Variants in CPEB1 observed in about 807,000 individuals in gnomAD.
CPEB1 encodes the protein cytoplasmic polyadenylation element binding protein 1, also known as cytoplasmic polyadenylation element-binding protein 1.
Under a neutral mutation model 65.8 loss-of-function variants are expected in CPEB1, and 7 were observed. The ratio of observed to expected loss-of-function variants is 0.11; its 90% CI spans 0.06 to 0.20. The LOEUF is 0.20. Ranked by LOEUF, CPEB1 falls within the 10% of genes least tolerant of loss-of-function variation. CPEB1 has a pLI of 1.00. For missense variants in CPEB1, 551 were observed against 712.2 expected (o/e 0.77, Z 2.58); for synonymous variants, 262 against 260.0 (o/e 1.01, Z -0.08).
rs187328180 is a variant in CPEB1 at position 82,606,884 on chromosome 15, G to A, written c.271+20309C>T. 1.3e-4 allele frequency among the ~76,000 whole-genome samples: 19 copies of A among 151,752 alleles called. No homozygotes were observed. In the East Asian group the frequency reaches 3.7e-3, roughly 29 times the overall value. On this transcript the variant is annotated intron_variant, in intron 3 of 12. Coordinates refer to ENST00000684509, the MANE Select transcript of CPEB1 (RefSeq NM_001365242.1). Reference sequence around the variant, plus strand: ...ATAGTAGCTCATGCCTGCAATCCCAGCACTTTGGGAAGCCAAGGTGGGAAG... The same window carrying A: ...ATAGTAGCTCATGCCTGCAATCCCAACACTTTGGGAAGCCAAGGTGGGAAG...
chr15:82,549,751 G>T, intron 9 of CPEB1, 93 bp from the exon 10 acceptor site: 1 of 1,257,444 alleles, frequency 8.0e-7, no homozygotes, highest in Non-Finnish European at 1.1e-6. Context: ...AGATACTGAA[G>T]CTAAGCTAAC....
At chr15:82,566,291 T>C (rs2039109597) in intron 4 of CPEB1, among the ~76,000 whole-genome samples, 2 of 152,120 alleles carry the variant, frequency 1.3e-5, no homozygotes, top group African/African-American at 2.4e-5. Context: ...AATAGTCTAA[T>C]GGGGGAAAAA....
intron 3 of CPEB1, among the ~76,000 whole-genome samples, chr15:82,606,727 A>C (rs1449194060): frequency 2.5e-5 from 2 of 81,582 alleles, no homozygotes; most frequent in Non-Finnish European, 4.8e-5. Flanking sequence ...CTGAGGCAGG[A>C]GAATGGCGTG....
chr15:82,630,644 T>C (rs2046162857), intron 1 of CPEB1, among the ~76,000 whole-genome samples: 1 of 151,776 alleles, frequency 6.6e-6, no homozygotes, highest in Admixed American at 6.6e-5. Context: ...GACCCGATCC[T>C]GTAAACATCC....
chr15:82,646,828 T>G (rs979279433), intron 1 of CPEB1, among the ~76,000 whole-genome samples: 1 of 152,048 alleles, frequency 6.6e-6, no homozygotes, highest in African/African-American at 2.4e-5. Flanking sequence ...AGGACCCCTT[T>G]GTGGGTGAGT....
At chr15:82,635,027 A>C (rs932506608) in intron 1 of CPEB1, among the ~76,000 whole-genome samples, 1 of 151,892 alleles carries the variant, frequency 6.6e-6, no homozygotes, top group African/African-American at 2.4e-5. Flanking sequence ...CTAATTTTTT[A>C]TATTTTTAGT....
chr15:82,644,231 G>A (rs1413270236), intron 1 of CPEB1, among the ~76,000 whole-genome samples: 1 of 152,150 alleles, frequency 6.6e-6, no homozygotes, highest in African/African-American at 2.4e-5. Context: ...TGCCAATGCA[G>A]TTAAGGTTCA....
At chr15:82,628,745 TCCTCGG>T (rs2045984981) in intron 1 of CPEB1, 189 bp from the exon 2 acceptor site, 1 of 347,594 alleles carries the variant, frequency 2.9e-6, no homozygotes, top group South Asian at 5.7e-5. Flanking sequence ...TCCTTCCTCT[TCCTCGG>T]CCTGCTCAAT....
At chr15:82,624,337 T>C (rs951003125) in intron 3 of CPEB1, among the ~76,000 whole-genome samples, 2 of 152,160 alleles carry the variant, frequency 1.3e-5, no homozygotes, top group African/African-American at 4.8e-5. Context: ...TGAGTTCCCT[T>C]AAATCTGCAG....
At chr15:82,586,571 C>T (rs1448628464) in intron 3 of CPEB1, among the ~76,000 whole-genome samples, 1 of 152,186 alleles carries the variant, frequency 6.6e-6, no homozygotes, top group Non-Finnish European at 1.5e-5. Flanking sequence ...ACCTAAGCTA[C>T]ATTTTTGTCC....
intron 3 of CPEB1, among the ~76,000 whole-genome samples, chr15:82,589,800 C>A (rs111971141): frequency 0.013 from 1,969 of 152,056 alleles, 36 homozygotes; most frequent in African/African-American, 0.044. Context: ...AACCGCAGAT[C>A]AAAAGTATTT....
intron 3 of CPEB1, among the ~76,000 whole-genome samples, chr15:82,616,340 A>C (rs1185621228): frequency 6.6e-6 from 1 of 152,142 alleles, no homozygotes; most frequent in East Asian, 1.9e-4. Context: ...AGAGAAGTAT[A>C]AAAACACGGA....
rs573205522 is a variant in CPEB1 at position 82,592,574 on chromosome 15, T to A, written c.272-21042A>T. On this transcript the variant is annotated intron_variant, in intron 3 of 12. Transcript: ENST00000684509. ...GCCTGGATGACAGAGCCAGATATTGTCTCAAAAAAAAAAAAAAAAAGTTAA... is the reference window on the plus strand; with the variant it reads ...GCCTGGATGACAGAGCCAGATATTGACTCAAAAAAAAAAAAAAAAAGTTAA... 1.1e-3 allele frequency among the ~76,000 whole-genome samples: 155 copies of A among 140,898 alleles called. 1 individual carries two copies. In the South Asian group the frequency reaches 0.031, roughly 28 times the overall value. 92.4% of individuals were successfully genotyped at this position (140,898 alleles called of 152,430 possible).
chr15:82,605,882 T>C (rs1184502871), intron 3 of CPEB1, among the ~76,000 whole-genome samples: 1 of 151,404 alleles, frequency 6.6e-6, no homozygotes, highest in African/African-American at 2.4e-5. Context: ...CTACTAAAAA[T>C]ACAAAATTAG....
At chr15:82,597,003 G>A (rs1484875434) in intron 3 of CPEB1, among the ~76,000 whole-genome samples, 1 of 152,090 alleles carries the variant, frequency 6.6e-6, no homozygotes, top group African/African-American at 2.4e-5. Context: ...TATCCTTGGT[G>A]TGCCAAAATC....
At chr15:82,583,579 G>A (rs1423395445) in intron 3 of CPEB1, 8 of 152,176 alleles carry the variant, frequency 5.3e-5, no homozygotes, top group Admixed American at 5.2e-4. Context: ...AGCTTCAAAA[G>A]ATTTATTCTT....
intron 4 of CPEB1, among the ~76,000 whole-genome samples, chr15:82,569,107 T>C (rs757560333): frequency 2.6e-5 from 4 of 152,220 alleles, no homozygotes; most frequent in Non-Finnish European, 5.9e-5. Context: ...GCTAGCTGGT[T>C]TTCAGACGGA....
At chr15:82,648,115 G>A, upstream of CPEB1, 1 of 363,514 alleles carries the variant, frequency 2.8e-6, no homozygotes, top group Non-Finnish European at 4.9e-6. Context: ...AGGCCGAGCC[G>A]AGGAGGGCTC....
At chr15:82,576,214 T>C (rs2040630597) in intron 3 of CPEB1, among the ~76,000 whole-genome samples, 1 of 152,224 alleles carries the variant, frequency 6.6e-6, no homozygotes, top group Non-Finnish European at 1.5e-5. Context: ...CATATGTATA[T>C]AATTCCACTT....
Sources: allele counts gnomAD v4.1 joint callset (sites outside exome capture counted in the v4.1 genomes callset), GRCh38; gene constraint gnomAD v4.1.1; transcripts MANE v1.5; gene names NCBI Gene and HGNC (gene_info 2026-07-23, HGNC 2026-07-21).